TXLNB: variants seen among roughly 807,000 people sequenced by gnomAD.
TXLNB encodes beta-taxilin.
Under a neutral mutation model 57.4 loss-of-function variants are expected in TXLNB, and 37 were observed. The ratio of observed to expected loss-of-function variants is 0.64; its 90% CI spans 0.50 to 0.85. TXLNB has a LOEUF of 0.85. TXLNB is among the 40% of genes least tolerant of loss of function. The pLI, the probability that TXLNB is intolerant of heterozygous loss-of-function variation, is 0.00. For missense variants in TXLNB, 848 were observed against 825.6 expected (o/e 1.03, Z -0.33); for synonymous variants, 302 against 309.6 (o/e 0.98, Z 0.26).
downstream of TXLNB, among the ~76,000 whole-genome samples, chr6:139,237,939 G>A (rs141356338): frequency 6.6e-4 from 100 of 152,276 alleles, no homozygotes; most frequent in African/African-American, 2.3e-3. Flanking sequence ...TCCTGGCCAG[G>A]TGAAGTAGCT....
chr6:139,313,220 G>A, the TXLNB span, among the ~76,000 whole-genome samples: 4 of 151,908 alleles, frequency 2.6e-5, no homozygotes, highest in South Asian at 2.1e-4. Flanking sequence ...CTACAGGCAC[G>A]TGCCACCATG....
At chr6:139,165,627 A>G in the TXLNB span, among the ~76,000 whole-genome samples, 1 of 146,760 alleles carries the variant, frequency 6.8e-6, no homozygotes, top group Non-Finnish European at 1.5e-5. Context: ...TCTTTTTGAC[A>G]TTTTAGAAAT....
chr6:139,217,782 T>A, the TXLNB span, among the ~76,000 whole-genome samples: 77 of 144,578 alleles, frequency 5.3e-4, no homozygotes, highest in African/African-American at 2.0e-3. Context: ...GGCAGGAGAA[T>A]CGCTTGCACC....
At chr6:139,300,894 CA>C in the TXLNB span, among the ~76,000 whole-genome samples, 13 of 149,896 alleles carry the variant, frequency 8.7e-5, no homozygotes, top group African/African-American at 3.2e-4. Context: ...GACTCCATCT[CA>C]AAAAAAAAGG....
chr6:139,266,900 G>A (rs1446478855), intron 4 of TXLNB, among the ~76,000 whole-genome samples: 1 of 147,962 alleles, frequency 6.8e-6, no homozygotes, highest in African/African-American at 2.5e-5. Flanking sequence ...TAATTCAAAT[G>A]ATTGTTGATT....
At chr6:139,207,085 G>A in the TXLNB span, among the ~76,000 whole-genome samples, 1 of 152,102 alleles carries the variant, frequency 6.6e-6, no homozygotes, top group African/African-American at 2.4e-5. Flanking sequence ...AAGACAGAAA[G>A]TCAACAGAGA....
intron 4 of TXLNB, 146 bp from the exon 5 acceptor site, chr6:139,262,919 TA>T: frequency 1.4e-6 from 1 of 735,428 alleles, no homozygotes; most frequent in Admixed American, 3.0e-5. Context: ...AGCCCCAAAA[TA>T]AATGTATGAG....
At chr6:139,272,259 A>T (rs111537220) in intron 3 of TXLNB, among the ~76,000 whole-genome samples, 38 of 152,300 alleles carry the variant, frequency 2.5e-4, no homozygotes, top group African/African-American at 8.2e-4. Context: ...GTGAGTCATG[A>T]TTGTGCCACT....
rs779058859 is a variant in TXLNB, at chr6:139,270,515, C to A, written c.628G>T (p.Ala210Ser). The A allele has an allele frequency of 1.7e-5, 27 of 1,614,014 alleles. No individual in the cohort carries two copies. In the East Asian group the frequency reaches 6.0e-4, roughly 36 times the overall value. Reference sequence around the variant, plus strand: ...CACAGACTCTCCAATTTGCTTCGAGCGAGGATAGCTCTGCTGTGTTCACCT... The same window carrying A: ...CACAGACTCTCCAATTTGCTTCGAGAGAGGATAGCTCTGCTGTGTTCACCT... ...LQGEHSRAILARSKLESLCRE... is the reference protein window; with the variant it reads ...LQGEHSRAILSRSKLESLCRE... The change falls in exon 4 of 10, where the codon GCT (alanine) becomes TCT (serine). Residue 210 changes from alanine to serine, a missense_variant. Physicochemically the swap from Ala to Ser is moderately conservative, Grantham distance 99 (BLOSUM62 1). Transcript: ENST00000358430.
At position 139,281,062 on chromosome 6, in the gene TXLNB, ATTTT is replaced by A. The variant is rs575376463; in HGVS notation, c.425-4145_425-4142del. Among the ~76,000 whole-genome samples the A allele has an allele frequency of 7.0e-3, 1,060 of 151,930 alleles. 8 individuals carry two copies. The highest frequency in any genetic ancestry group is 0.025 in the African/African-American group (1,017 of 41,486). On this transcript the variant is annotated intron_variant, in intron 2 of 9. Transcript: ENST00000358430. ...GAGTGATTTATTTATTTATTTTTTT[ATTTT>A]TTTATTTTTATTATTTTGTGTGTGT...
At chr6:139,229,224 G>T in the TXLNB span, among the ~76,000 whole-genome samples, 1 of 152,196 alleles carries the variant, frequency 6.6e-6, no homozygotes, top group Non-Finnish European at 1.5e-5. Context: ...CAGTTTCTGA[G>T]TATACCCATT....
At chr6:139,300,199 T>A in the TXLNB span, among the ~76,000 whole-genome samples, 1 of 152,202 alleles carries the variant, frequency 6.6e-6, no homozygotes. Context: ...AAAACAGGTG[T>A]GTGGTGGTCA....
rs1000462280 is a variant in TXLNB, at chr6:139,240,929, A to C, written c.*1597T>G. On this transcript the variant is annotated 3_prime_UTR_variant, in exon 10 of 10. Coordinates refer to ENST00000358430, the MANE Select transcript of TXLNB (RefSeq NM_153235.4). ...CTATCCATTTTTCTACTTGAGTTCA[A>C]CTTTCAAGATAGGGTTGGGTTAGAC... 1 of 152,190 alleles carries C rather than the reference A, an allele frequency of 6.6e-6. No individual in the cohort carries two copies. Among genetic ancestry groups the C allele is most frequent in the South Asian group, 2.1e-4 (1 of 4,830 alleles). 9.4% of individuals were successfully genotyped at this position (152,190 alleles called of 1,614,324 possible). A position where few individuals can be genotyped will look rare whatever the true frequency, so the allele number is the denominator to read the frequency against.
chr6:139,195,723 A>G, the TXLNB span, among the ~76,000 whole-genome samples: 3,138 of 152,348 alleles, frequency 0.021, 113 homozygotes, highest in African/African-American at 0.071. Context: ...AGTTGATGCC[A>G]TAATTGTAGT....
chr6:139,294,913 C>A (rs990003185), upstream of TXLNB, among the ~76,000 whole-genome samples: 3 of 152,044 alleles, frequency 2.0e-5, no homozygotes, highest in Admixed American at 6.5e-5. Context: ...CATTTGAACC[C>A]AGGAGACAGA....
At chr6:139,292,086 G>GCA (rs760910211), upstream of TXLNB, 1,141 of 144,682 alleles carry the variant, frequency 7.9e-3, 29 homozygotes, top group South Asian at 0.093. This position sits in a 1 kb window ranked among gnomAD's most constrained non-coding sequence, Gnocchi z 4.0. Context: ...GCACGCGCGC[G>GCA]CACACACACA....
At chr6:139,188,363 G>GT in the TXLNB span, among the ~76,000 whole-genome samples, 1 of 152,156 alleles carries the variant, frequency 6.6e-6, no homozygotes, top group African/African-American at 2.4e-5. Flanking sequence ...TGTGACAGCC[G>GT]TATTTGTTTT....
upstream of TXLNB, among the ~76,000 whole-genome samples, chr6:139,296,541 C>T (rs1777393120): frequency 6.6e-6 from 1 of 151,838 alleles, no homozygotes; most frequent in Admixed American, 6.6e-5. Flanking sequence ...TGGATGCTTA[C>T]TTGGTTTTAA....
chr6:139,321,626 ACTCT>A, the TXLNB span, among the ~76,000 whole-genome samples: 1 of 100,618 alleles, frequency 9.9e-6, no homozygotes, highest in East Asian at 2.5e-4. Context: ...AGCCCAGACT[ACTCT>A]CTCTTTTTTT....
Sources: allele counts gnomAD v4.1 joint callset (sites outside exome capture counted in the v4.1 genomes callset), GRCh38; gene constraint gnomAD v4.1.1; non-coding constraint Gnocchi (gnomAD v3.1); transcripts MANE v1.5; gene names NCBI Gene and HGNC (gene_info 2026-07-23, HGNC 2026-07-21).